ELP4: variants seen among roughly 807,000 people sequenced by gnomAD.
ELP4 encodes the protein elongator acetyltransferase complex subunit 4.
In ELP4, 51 loss-of-function variants were observed where a neutral mutation model predicts 48.9. The observed-to-expected ratio is 1.04, with a 90% confidence interval of 0.83 to 1.32. The LOEUF (loss-of-function observed/expected upper bound fraction) is 1.32, where lower values mean the gene tolerates loss of function less well. Ranked by LOEUF, ELP4 falls within the 40% of genes most tolerant of loss-of-function variation. The pLI, the probability that ELP4 is intolerant of heterozygous loss-of-function variation, is 0.00. For missense variants in ELP4, 519 were observed against 514.6 expected (o/e 1.01, Z -0.08); for synonymous variants, 210 against 189.2 (o/e 1.11, Z -0.90).
chr11:31,556,906 G>T (rs1413649685), intron 3 of ELP4, among the ~76,000 whole-genome samples: 4 of 151,726 alleles, frequency 2.6e-5, no homozygotes, highest in African/African-American at 7.2e-5. Context: ...AAAGCTTATA[G>T]TATATAATAT....
chr11:31,518,917 T>A (rs1384814003), intron 1 of ELP4, among the ~76,000 whole-genome samples: 8 of 142,822 alleles, frequency 5.6e-5, no homozygotes, highest in South Asian at 2.1e-4. Flanking sequence ...AAAAAAAAAA[T>A]TCCCGTTTCT....
chr11:31,583,275 A>G (rs548864566), intron 3 of ELP4, among the ~76,000 whole-genome samples: 14 of 152,176 alleles, frequency 9.2e-5, no homozygotes, highest in Non-Finnish European at 1.8e-4. Flanking sequence ...GATGTTTACT[A>G]TATTATTCTC....
At position 31,789,574 on chromosome 11, in the gene ELP4, T is replaced by C; in HGVS notation, c.*6050T>C. Reference sequence around the variant, plus strand: ...CAAAGCTTGTTGATCATGGTTTTCTTTTTAAAAAAAAAAAAAACAACTTCA... The same window carrying C: ...CAAAGCTTGTTGATCATGGTTTTCTCTTTAAAAAAAAAAAAAACAACTTCA... On this transcript the variant is annotated 3_prime_UTR_variant, in exon 10 of 10. Transcript: ENST00000640961. 1 of 607,196 alleles carries C rather than the reference T, an allele frequency of 1.6e-6. No individual in the cohort carries two copies. Among genetic ancestry groups the C allele is most frequent in the Non-Finnish European group, 2.9e-6 (1 of 345,768 alleles). The allele number at this position is 607,196 out of a possible 1,614,324, so 37.6% of individuals were successfully genotyped here.
rs1414622264 is a variant in ELP4 at position 31,789,739 on chromosome 11, G to T, written c.*6215G>T. ...ATGAAGATTTGTTCCAACTGATATC[G>T]TGCCTTCTGTATACAAAGGTCCTTG... On this transcript the variant is annotated 3_prime_UTR_variant, in exon 10 of 10. Transcript: ENST00000640961. The T allele has an allele frequency of 1.1e-5, 8 of 707,208 alleles. No homozygotes were observed. The highest frequency in any genetic ancestry group is 1.6e-5 in the Non-Finnish European group (6 of 386,230). The allele number at this position is 707,208 out of a possible 1,614,324, so 43.8% of individuals were successfully genotyped here.
At chr11:31,697,279 AT>A (rs1245942579) in intron 9 of ELP4, among the ~76,000 whole-genome samples, 22 of 152,216 alleles carry the variant, frequency 1.4e-4, no homozygotes, top group African/African-American at 4.3e-4. Flanking sequence ...CTTCGTTTCC[AT>A]TTCCAGTAGG....
intron 6 of ELP4, among the ~76,000 whole-genome samples, chr11:31,631,549 G>A (rs952770697): frequency 2.6e-5 from 4 of 152,086 alleles, no homozygotes; most frequent in Admixed American, 6.6e-5. Context: ...TCACAGTGAT[G>A]TATTCACAGT....
At chr11:31,575,729 C>T (rs1957264059) in intron 3 of ELP4, among the ~76,000 whole-genome samples, 2 of 152,146 alleles carry the variant, frequency 1.3e-5, no homozygotes, top group Admixed American at 1.3e-4. Context: ...CCTTTACAGA[C>T]AAACAAATGC....
At chr11:31,607,715 T>G (rs925834026) in intron 5 of ELP4, among the ~76,000 whole-genome samples, 1 of 152,144 alleles carries the variant, frequency 6.6e-6, no homozygotes, top group African/African-American at 2.4e-5. Context: ...ATAGAATGAG[T>G]TTATTTTGAT....
chr11:31,748,349 A>G (rs1947643965), intron 9 of ELP4, among the ~76,000 whole-genome samples: 1 of 148,982 alleles, frequency 6.7e-6, no homozygotes, highest in South Asian at 2.1e-4. Flanking sequence ...GGTTCACGCT[A>G]TTTTCCTGCC....
intron 5 of ELP4, among the ~76,000 whole-genome samples, chr11:31,625,079 G>C (rs1394732421): frequency 6.6e-6 from 1 of 150,960 alleles, no homozygotes; most frequent in Non-Finnish European, 1.5e-5. Context: ...AGTATAGTAA[G>C]TACATAAGCC....
rs371439100 is a variant in ELP4 at position 31,550,141 on chromosome 11, A to T, written c.381+10358A>T. 3.5e-3 allele frequency among the ~76,000 whole-genome samples: 526 copies of T among 152,348 alleles called. 3 individuals carry two copies. The highest frequency in any genetic ancestry group is 0.01 in the African/African-American group (417 of 41,594). On this transcript the variant is annotated intron_variant, in intron 3 of 9. Transcript: ENST00000640961. ...AAACTTAAAGTATAATAATAAAAAA[A>T]AAATAAAAAATAATGCCAAATGAAT...
chr11:31,749,277 G>T (rs1021918965), intron 9 of ELP4, among the ~76,000 whole-genome samples: 4 of 152,220 alleles, frequency 2.6e-5, no homozygotes, highest in South Asian at 2.1e-4. Flanking sequence ...TATCTTAAGT[G>T]TGAGTTTATG....
chr11:31,533,343 G>A lies in ELP4; in HGVS notation c.260-6319G>A, dbSNP rs536189012. Among the ~76,000 whole-genome samples, 19 of 138,038 alleles carry A rather than the reference G, an allele frequency of 1.4e-4. No individual in the cohort carries two copies. The South Asian group carries it at 4.1e-3, about 30-fold the overall frequency. The allele number at this position is 138,038 out of a possible 152,430, so 90.6% of individuals were successfully genotyped here. ...AGGATAATGGCCTCCAGTTTCATCC[G>A]TGTTGCTGCAAAAGCCATCTCATTC... is the stretch of plus-strand genomic sequence containing the variant. On this transcript the variant is annotated intron_variant, in intron 2 of 9. Transcript: ENST00000640961.
intron 4 of ELP4, among the ~76,000 whole-genome samples, chr11:31,600,996 C>CA (rs1265410603): frequency 6.6e-6 from 1 of 151,960 alleles, no homozygotes; most frequent in Non-Finnish European, 1.5e-5. Context: ...ACGACAAAGT[C>CA]AAAAGGTAGT....
intron 5 of ELP4, among the ~76,000 whole-genome samples, chr11:31,608,539 G>T (rs1957918433): frequency 6.6e-6 from 1 of 151,196 alleles, no homozygotes; most frequent in Non-Finnish European, 1.5e-5. Context: ...TATGGAAGGG[G>T]TGGTGGTGTT....
intron 9 of ELP4, among the ~76,000 whole-genome samples, chr11:31,749,028 T>A (rs1377619386): frequency 6.6e-6 from 1 of 151,954 alleles, no homozygotes; most frequent in Non-Finnish European, 1.5e-5. Flanking sequence ...AGCAAGGAGG[T>A]ATGAATGCCA....
chr11:31,746,073 C>T (rs1264676068), intron 9 of ELP4, among the ~76,000 whole-genome samples: 2 of 152,060 alleles, frequency 1.3e-5, no homozygotes, highest in African/African-American at 4.8e-5. Flanking sequence ...AAAAAGTGGG[C>T]AAAGGATCTG....
chr11:31,675,740 T>G (rs1945911575), intron 9 of ELP4, among the ~76,000 whole-genome samples: 1 of 152,126 alleles, frequency 6.6e-6, no homozygotes, highest in South Asian at 2.1e-4. Flanking sequence ...TTATACAATC[T>G]TTTTCAGGTG....
intron 3 of ELP4, among the ~76,000 whole-genome samples, chr11:31,564,681 G>A (rs759669221): frequency 3.9e-5 from 6 of 151,984 alleles, no homozygotes; most frequent in African/African-American, 1.2e-4. Context: ...TTCCAGCTTC[G>A]TCTATGTCCC....
Sources: gnomAD v4.1 joint callset for allele counts (sites outside exome capture counted in the v4.1 genomes callset) on GRCh38, gnomAD v4.1.1 for gene constraint, MANE v1.5 for transcripts, NCBI Gene and HGNC (gene_info 2026-07-23, HGNC 2026-07-21) for gene names.